The following NVL variants were observed in gnomAD, a reference collection of about 807,000 sequenced individuals.
The protein encoded by NVL is nuclear valosin-containing protein-like.
A neutral mutation model predicts 110.2 loss-of-function variants in NVL; 84 were observed. The observed-to-expected ratio is 0.76, with a 90% CI of 0.64 to 0.91. NVL has a LOEUF of 0.91. Among genes scored for constraint, NVL ranks in the 40% least tolerant of loss-of-function variants. The pLI, the probability that NVL is intolerant of heterozygous loss-of-function variation, is 0.00. For missense variants in NVL, 882 were observed against 1,035.9 expected (o/e 0.85, Z 2.04); for synonymous variants, 354 against 361.1 (o/e 0.98, Z 0.22).
At chr1:224,325,075 A>G (rs1211254383) in intron 2 of NVL, among the ~76,000 whole-genome samples, 1 of 152,038 alleles carries the variant, frequency 6.6e-6, no homozygotes, top group Non-Finnish European at 1.5e-5. Flanking sequence ...AGCCTGGCCA[A>G]CATGGTGAAA....
chr1:224,322,810 C>T (rs11811730), intron 2 of NVL, among the ~76,000 whole-genome samples: 19,968 of 152,062 alleles, frequency 0.13, 2,462 homozygotes, highest in African/African-American at 0.33. Context: ...AAAAATTAGC[C>T]AGGCATGGTG....
chr1:224,253,853 A>G (rs1219927437), intron 18 of NVL, among the ~76,000 whole-genome samples: 1 of 151,960 alleles, frequency 6.6e-6, no homozygotes, highest in African/African-American at 2.4e-5. Flanking sequence ...CCTTGCCAAC[A>G]TTTGGCACAG....
At position 224,281,072 on chromosome 1, in the gene NVL, T is replaced by C. The variant is rs576291507; in HGVS notation, c.1962+51A>G. ...AGAACATTTTACCCCGTAATTTGCA[T>C]GACCATTACTTTTTCTAATCTAAAA... On this transcript the variant is annotated intron_variant, in intron 16 of 22. Transcript: ENST00000281701. 72 of 1,474,850 alleles carry C rather than the reference T, an allele frequency of 4.9e-5. No individual in the cohort carries two copies. The African/African-American group carries it at 7.1e-4, about 15-fold the overall frequency. The allele number at this position is 1,474,850 out of a possible 1,614,324, so 91.4% of individuals were successfully genotyped here. A position where few individuals can be genotyped will look rare whatever the true frequency, so the allele number is the denominator to read the frequency against.
chr1:224,305,211 G>T, intron 6 of NVL, 45 bp from the exon 7 acceptor site: 1 of 1,557,326 alleles, frequency 6.4e-7, no homozygotes, highest in Non-Finnish European at 8.6e-7. Flanking sequence ...AAAATTCTAT[G>T]CCAATAATTG....
intron 9 of NVL, among the ~76,000 whole-genome samples, chr1:224,301,075 C>T (rs1461980427): frequency 6.6e-6 from 1 of 150,466 alleles, no homozygotes. Context: ...CATTGCACTC[C>T]AGCCTGGGCA....
intron 13 of NVL, 69 bp downstream of exon 13, chr1:224,289,415 C>A: frequency 6.6e-7 from 1 of 1,524,644 alleles, no homozygotes; most frequent in Non-Finnish European, 8.9e-7. Context: ...TTGTATTGAC[C>A]CTTGCTTCAA....
intron 17 of NVL, among the ~76,000 whole-genome samples, chr1:224,271,787 C>T (rs1665136110): frequency 1.3e-5 from 2 of 151,956 alleles, no homozygotes; most frequent in South Asian, 2.1e-4. Context: ...CCGAGGCGGG[C>T]AGATCACGAG....
intron 17 of NVL, 67 bp downstream of exon 17, chr1:224,275,272 G>A (rs781195692): frequency 2.9e-5 from 46 of 1,581,684 alleles, no homozygotes; most frequent in Non-Finnish European, 3.9e-5. Context: ...AGAAATACCT[G>A]GCTTGGAACA....
chr1:224,267,994 T>C (rs1209993540), intron 18 of NVL, 40 bp downstream of exon 18: 1 of 1,380,882 alleles, frequency 7.2e-7, no homozygotes, highest in South Asian at 1.2e-5. Context: ...ATGCTGTAAG[T>C]TTTTAGATTC....
At chr1:224,268,336 G>A (rs181985663) in intron 17 of NVL, among the ~76,000 whole-genome samples, 223 of 152,240 alleles carry the variant, frequency 1.5e-3, no homozygotes, top group African/African-American at 5.3e-3. Flanking sequence ...CAGTCTAAAT[G>A]AGGAAAGTGA....
chr1:224,286,201 A>G lies in NVL; in HGVS notation c.1795-71T>C, dbSNP rs1024927926. 10 of 1,088,260 alleles carry G rather than the reference A, an allele frequency of 9.2e-6. No individual in the cohort carries two copies. The African/African-American group carries it at 1.5e-4, about 16-fold the overall frequency. The allele number at this position is 1,088,260 out of a possible 1,614,324, so 67.4% of individuals were successfully genotyped here. On this transcript the variant is annotated intron_variant, in intron 14 of 22. Transcript: ENST00000281701. ...TACTGCAGGTTCAAATTATTTCCAG[A>G]TACATATTTTATGGTTTTTTTTTTT...
Position 224,251,563 on chromosome 1 carries a change from C to T in NVL, c.2183-1245G>A, listed in dbSNP as rs111785574. On this transcript the variant is annotated intron_variant, in intron 18 of 22. Transcript: ENST00000281701. ...GTTGAGGCAGAAGAATCACTTGAAC[C>T]TGGGAGGCGGAGGCTGCAATGAGCG... is the stretch of plus-strand genomic sequence containing the variant. Among the ~76,000 whole-genome samples the T allele has an allele frequency of 7.8e-3, 1,184 of 152,212 alleles. 11 individuals carry two copies. The highest frequency in any genetic ancestry group is 0.026 in the African/African-American group (1,093 of 41,532).
chr1:224,324,805 T>C (rs926208091), intron 2 of NVL, among the ~76,000 whole-genome samples: 4 of 152,126 alleles, frequency 2.6e-5, no homozygotes, highest in African/African-American at 9.7e-5. Flanking sequence ...GCTTGTGGAA[T>C]GGAATGAATG....
At chr1:224,238,218 A>G (rs1316581938) in intron 19 of NVL, among the ~76,000 whole-genome samples, 1 of 151,902 alleles carries the variant, frequency 6.6e-6, no homozygotes, top group Non-Finnish European at 1.5e-5. Context: ...TTTTTTGTAG[A>G]GATGGGGTTT....
chr1:224,280,537 A>G (rs537729490), intron 16 of NVL, among the ~76,000 whole-genome samples: 2 of 152,306 alleles, frequency 1.3e-5, no homozygotes, highest in South Asian at 2.1e-4. Flanking sequence ...ATACTTAAGT[A>G]TAACTCCCTT....
chr1:224,306,380 C>T (rs1490311882), intron 6 of NVL, among the ~76,000 whole-genome samples: 1 of 152,172 alleles, frequency 6.6e-6, no homozygotes, highest in Non-Finnish European at 1.5e-5. Context: ...CATTCTCCTG[C>T]CTCAGCCTCC....
chr1:224,238,458 T>C (rs374495658), intron 19 of NVL, among the ~76,000 whole-genome samples: 2 of 152,246 alleles, frequency 1.3e-5, no homozygotes, highest in South Asian at 4.1e-4. Flanking sequence ...CTGCCCACAC[T>C]CACATACCAG....
At chr1:224,274,569 G>A (rs1056872367) in intron 17 of NVL, among the ~76,000 whole-genome samples, 1 of 151,308 alleles carries the variant, frequency 6.6e-6, no homozygotes, top group Non-Finnish European at 1.5e-5. Flanking sequence ...CCCAGGAGGC[G>A]GAAGTTGCAG....
chr1:224,304,902 A>G (rs1228151141), intron 7 of NVL, 90 bp from the exon 8 acceptor site: 7 of 1,490,800 alleles, frequency 4.7e-6, no homozygotes, highest in Non-Finnish European at 5.6e-6. Flanking sequence ...ACAAAGGTCC[A>G]TTAAATATAG....
Sources: gnomAD v4.1 joint callset for allele counts (sites outside exome capture counted in the v4.1 genomes callset) on GRCh38, gnomAD v4.1.1 for gene constraint, MANE v1.5 for transcripts, NCBI Gene and HGNC (gene_info 2026-07-23, HGNC 2026-07-21) for gene names.